The following SPSB1 variants were observed in gnomAD, a reference collection of about 807,000 sequenced individuals.
SPSB1 encodes splA/ryanodine receptor domain and SOCS box containing 1, also known as SPRY domain-containing SOCS box protein 1.
SPSB1 carries 8 observed loss-of-function variants against 21.2 expected under a neutral mutation model. The ratio of observed to expected loss-of-function variants is 0.38; its 90% confidence interval spans 0.22 to 0.68. SPSB1 has a LOEUF of 0.68. Among genes scored for constraint, SPSB1 ranks in the 30% least tolerant of loss-of-function variants. The pLI, the probability that SPSB1 is intolerant of heterozygous loss-of-function variation, is 0.53. For missense variants in SPSB1, 242 were observed against 377.8 expected (o/e 0.64, Z 2.98); for synonymous variants, 169 against 161.7 (o/e 1.05, Z -0.34).
At chr1:9,327,149 G>A (rs886426389) in intron 1 of SPSB1, among the ~76,000 whole-genome samples, 1 of 152,162 alleles carries the variant, frequency 6.6e-6, no homozygotes, top group African/African-American at 2.4e-5. Context: ...GCTTCCGGGG[G>A]TCCCAGGATG....
chr1:9,299,548 C>T (rs192175591), intron 1 of SPSB1, among the ~76,000 whole-genome samples: 1,667 of 152,194 alleles, frequency 0.011, 30 homozygotes, highest in African/African-American at 0.038. Flanking sequence ...GGTGCAATCT[C>T]GGCTCACTGC....
intron 1 of SPSB1, among the ~76,000 whole-genome samples, chr1:9,352,713 A>G (rs1640283051): frequency 6.7e-6 from 1 of 149,710 alleles, no homozygotes; most frequent in African/African-American, 2.5e-5. Flanking sequence ...TTTCAGAGCA[A>G]CCCTCTGAGG....
At chr1:9,343,987 AC>A (rs1234815926) in intron 1 of SPSB1, among the ~76,000 whole-genome samples, 2 of 152,044 alleles carry the variant, frequency 1.3e-5, no homozygotes, top group Admixed American at 1.3e-4. Flanking sequence ...ATGGGGTTTC[AC>A]CGTGTTAGCC....
In SPSB1 at chr1:9,356,526, T is replaced by C. The variant is rs1232265286; in HGVS notation, c.635T>C (p.Val212Ala). 1 of 1,609,334 alleles carries C rather than the reference T, an allele frequency of 6.2e-7. No homozygotes were observed. Among genetic ancestry groups the C allele is most frequent in the Non-Finnish European group, 8.5e-7 (1 of 1,176,138 alleles). Residue 212 changes from valine (V) to alanine (A), a missense_variant, in exon 2 of 3, where the codon GTA becomes GCA. Physicochemically the swap from Val to Ala is moderately conservative, Grantham distance 64 (BLOSUM62 0). Transcript: ENST00000328089. The surrounding 1 kb of genome is among the most constrained non-coding windows in gnomAD (Gnocchi z 7.4). ...CTCAAGGGCAAAAAACTGTATCCTG[T>C]AGTGAGTGCCGTCTGGGGCCACTGT... ...RGLKGKKLYP[V>A]VSAVWGHCEI...
Position 9,350,970 on chromosome 1 carries a change from A to C in SPSB1, c.-149-4773A>C, listed in dbSNP as rs558622452. 1.1e-3 allele frequency among the ~76,000 whole-genome samples: 165 copies of C among 152,322 alleles called. No homozygotes were observed. The Middle Eastern group carries it at 0.017, about 16-fold the overall frequency. On this transcript the variant is annotated intron_variant, in intron 1 of 2. Coordinates refer to ENST00000328089, the MANE Select transcript of SPSB1 (RefSeq NM_025106.4). ...ATGTCTGTCTTGGTCCAGTGTTAAC[A>C]GGAGCCATCCAGGCACCTGTGAATG...
chr1:9,293,191 G>A lies in SPSB1; in HGVS notation c.-150+120G>A. The A allele has an allele frequency of 1.0e-6, 1 of 966,168 alleles. No homozygotes were observed. Among genetic ancestry groups the A allele is most frequent in the Non-Finnish European group, 1.2e-6 (1 of 813,726 alleles). 59.8% of individuals were successfully genotyped at this position (966,168 alleles called of 1,614,324 possible). ...GCGCCGCTGGGGGACCGAGTGGGTG[G>A]CGCGGGGCCGGGCGCGGGGGAGCGG... On this transcript the variant is annotated intron_variant, in intron 1 of 2. Coordinates refer to ENST00000328089, the MANE Select transcript of SPSB1 (RefSeq NM_025106.4). This position sits in a 1 kb window ranked among gnomAD's most constrained non-coding sequence, Gnocchi z 5.1.
At chr1:9,323,161 G>A (rs1410300266) in intron 1 of SPSB1, among the ~76,000 whole-genome samples, 1 of 152,334 alleles carries the variant, frequency 6.6e-6, no homozygotes, top group African/African-American at 2.4e-5. Flanking sequence ...CATGTTGGAG[G>A]GGGGTATCCA....
chr1:9,367,834 GAC>G lies in SPSB1; in HGVS notation c.*263_*264del, dbSNP rs534769003. On this transcript the variant is annotated 3_prime_UTR_variant, in exon 3 of 3. Coordinates refer to ENST00000328089, the MANE Select transcript of SPSB1 (RefSeq NM_025106.4). This position sits in a 1 kb window ranked among gnomAD's most constrained non-coding sequence, Gnocchi z 5.9. ...CGTATACAACCCCTCTTTGAAAAAA[GAC>G]ACAGAGAATAAACTCCTACGAAAGC... is the stretch of plus-strand genomic sequence containing the variant. 609 of 530,266 alleles carry G rather than the reference GAC, an allele frequency of 1.1e-3. 6 individuals carry two copies. The South Asian group carries it at 0.014, about 12-fold the overall frequency. 32.8% of individuals were successfully genotyped at this position (530,266 alleles called of 1,614,324 possible). A position where few individuals can be genotyped will look rare whatever the true frequency, so the allele number is the denominator to read the frequency against.
intron 1 of SPSB1, among the ~76,000 whole-genome samples, chr1:9,354,772 G>C (rs1640334477): frequency 6.6e-6 from 1 of 151,822 alleles, no homozygotes; most frequent in Non-Finnish European, 1.5e-5. Context: ...CTGCACTCCA[G>C]CCTGGGCGAC....
rs75674212 is a variant in SPSB1, at chr1:9,346,626, G to A, written c.-149-9117G>A. 0.034 allele frequency among the ~76,000 whole-genome samples: 5,116 copies of A among 152,276 alleles called. 288 individuals are homozygous for A. Among genetic ancestry groups the A allele is most frequent in the African/African-American group, 0.12 (4,902 of 41,532 alleles). On this transcript the variant is annotated intron_variant, in intron 1 of 2. Transcript: ENST00000328089. This position sits in a 1 kb window ranked among gnomAD's most constrained non-coding sequence, Gnocchi z 4.4. Reference sequence around the variant, plus strand: ...GCTTTAATTGAAACACCATCGGGGGGTTGCCGGCAGGTGCTGTGCAGTCTG... The same window carrying A: ...GCTTTAATTGAAACACCATCGGGGGATTGCCGGCAGGTGCTGTGCAGTCTG...
Position 9,293,188 on chromosome 1 carries a change from G to A in SPSB1, c.-150+117G>A. The A allele has an allele frequency of 1.0e-6, 1 of 967,036 alleles. No individual in the cohort carries two copies. The highest frequency in any genetic ancestry group is 1.2e-6 in the Non-Finnish European group (1 of 814,480). The allele number at this position is 967,036 out of a possible 1,614,324, so 59.9% of individuals were successfully genotyped here. A position where few individuals can be genotyped will look rare whatever the true frequency, so the allele number is the denominator to read the frequency against. On this transcript the variant is annotated intron_variant, in intron 1 of 2. Transcript: ENST00000328089. This position sits in a 1 kb window ranked among gnomAD's most constrained non-coding sequence, Gnocchi z 5.1. The stretch of plus-strand genomic sequence containing the variant: ...ATCGCGCCGCTGGGGGACCGAGTGG[G>A]TGGCGCGGGGCCGGGCGCGGGGGAG...
chr1:9,367,035 G>A lies in SPSB1; in HGVS notation c.695-413G>A, dbSNP rs1640584596. On this transcript the variant is annotated intron_variant, in intron 2 of 2. Transcript: ENST00000328089. This position sits in a 1 kb window ranked among gnomAD's most constrained non-coding sequence, Gnocchi z 5.9. The stretch of plus-strand genomic sequence containing the variant: ...CAATGGCAGCTGCTTGCCTGGACAG[G>A]CAGAGTCACCAGTGGGGAAGAGCAG... Among the ~76,000 whole-genome samples, 1 of 152,238 alleles carries A rather than the reference G, an allele frequency of 6.6e-6. No individual in the cohort carries two copies. The highest frequency in any genetic ancestry group is 6.5e-5 in the Admixed American group (1 of 15,288).
rs769871001 is a variant in SPSB1, at chr1:9,356,297, A to G, written c.406A>G (p.Asn136Asp). 1 of 1,613,710 alleles carries G rather than the reference A, an allele frequency of 6.2e-7. No individual in the cohort carries two copies. Among genetic ancestry groups the G allele is most frequent in the South Asian group, 1.1e-5 (1 of 91,084 alleles). The change falls in exon 2 of 3, where the codon AAC becomes GAC. Residue 136 changes from asparagine (N) to aspartate (D), a missense_variant. Transcript: ENST00000328089. The surrounding 1 kb of genome is among the most constrained non-coding windows in gnomAD (Gnocchi z 7.4). The stretch of plus-strand genomic sequence containing the variant: ...CGGGTACACAACCCTCGTGGGGAAT[A>G]ACCACGAGTCCTGGGGCTGGGACTT... The part of the protein sequence containing the change: ...SVGYTTLVGN[N>D]HESWGWDLGR...
intron 1 of SPSB1, among the ~76,000 whole-genome samples, chr1:9,315,101 C>G (rs1358344423): frequency 6.6e-6 from 1 of 152,232 alleles, no homozygotes; most frequent in African/African-American, 2.4e-5. Flanking sequence ...TGGGATGAAT[C>G]TCCCCTCTCT....
chr1:9,322,789 C>G (rs543033040), intron 1 of SPSB1, among the ~76,000 whole-genome samples: 135 of 152,308 alleles, frequency 8.9e-4, no homozygotes, highest in African/African-American at 3.2e-3. Context: ...TCTGGCCGGT[C>G]TGATGGTCAG....
At chr1:9,342,737 A>C (rs1375736478) in intron 1 of SPSB1, among the ~76,000 whole-genome samples, 1 of 152,076 alleles carries the variant, frequency 6.6e-6, no homozygotes, top group African/African-American at 2.4e-5. Context: ...ACTCCTCCGG[A>C]GAAACTCCAT....
intron 1 of SPSB1, among the ~76,000 whole-genome samples, chr1:9,334,031 A>G (rs1297367629): frequency 1.3e-5 from 2 of 152,194 alleles, no homozygotes; most frequent in South Asian, 2.1e-4. Context: ...TTATTTTTAT[A>G]TAAACCAAAG....
At position 9,292,974 on chromosome 1, in the gene SPSB1, G is replaced by C; in HGVS notation, c.-247G>C. 1 of 983,096 alleles carries C rather than the reference G, an allele frequency of 1.0e-6. No homozygotes were observed. Among genetic ancestry groups the C allele is most frequent in the Non-Finnish European group, 1.2e-6 (1 of 828,856 alleles). 60.9% of individuals were successfully genotyped at this position (983,096 alleles called of 1,614,324 possible). ...GCGCCGGCGCCGGGGCCGGGGCCGC[G>C]GGGAGGAGGCGACTTCGCTCCCTGC... is the stretch of plus-strand genomic sequence containing the variant. On this transcript the variant is annotated 5_prime_UTR_variant, in exon 1 of 3. Coordinates refer to ENST00000328089, the MANE Select transcript of SPSB1 (RefSeq NM_025106.4).
At chr1:9,336,427 C>T (rs1403280601) in intron 1 of SPSB1, among the ~76,000 whole-genome samples, 5 of 152,090 alleles carry the variant, frequency 3.3e-5, no homozygotes, top group South Asian at 2.1e-4. Flanking sequence ...GGTTTCTCCA[C>T]GTTGGTCAGG....
Sources: gnomAD v4.1 joint callset for allele counts (sites outside exome capture counted in the v4.1 genomes callset) on GRCh38, gnomAD v4.1.1 for gene constraint, Gnocchi (gnomAD v3.1) non-coding constraint, MANE v1.5 for transcripts, NCBI Gene and HGNC (gene_info 2026-07-23, HGNC 2026-07-21) for gene names.